Variants in RADX observed in about 807,000 individuals in gnomAD.
The protein encoded by RADX is RPA-related protein RADX.
Under a neutral mutation model 61.6 loss-of-function variants are expected in RADX, and 36 were observed. The observed-to-expected ratio is 0.58, with a 90% CI of 0.45 to 0.77. The LOEUF (loss-of-function observed/expected upper bound fraction) is 0.77. Among genes scored for constraint, RADX ranks in the 30% least tolerant of loss-of-function variants. The pLI is 0.00. For synonymous variants in RADX, 272 were observed against 237.9 expected (o/e 1.14, Z -1.32); for missense variants, 497 against 651.1 (o/e 0.76, Z 2.58).
chrX:106,677,726 A>G, intron 13 of RADX, among the ~76,000 whole-genome samples: 1 of 111,752 alleles, frequency 8.9e-6, no homozygotes, highest in Middle Eastern at 4.6e-3. Flanking sequence ...TTATAGTTTT[A>G]CAAAAATATT....
intron 13 of RADX, among the ~76,000 whole-genome samples, chrX:106,673,686 C>CA (rs1556305684): frequency 1.9e-5 from 2 of 105,889 alleles, no homozygotes; most frequent in African/African-American, 7.0e-5. Flanking sequence ...CCATCCCCCC[C>CA]CACACACACA....
chrX:106,635,050 A>T (rs1405511892), intron 6 of RADX, among the ~76,000 whole-genome samples: 1 of 112,056 alleles, frequency 8.9e-6, no homozygotes, highest in East Asian at 2.8e-4. Context: ...TCATTAAATT[A>T]ATGGTGAGTA....
chrX:106,646,423 G>C (rs762668097), intron 10 of RADX, among the ~76,000 whole-genome samples: 26 of 111,253 alleles, frequency 2.3e-4, no homozygotes, highest in Non-Finnish European at 7.6e-5. Flanking sequence ...TTTGGAAATA[G>C]GGTCATAGCA....
intron 12 of RADX, among the ~76,000 whole-genome samples, chrX:106,665,915 G>A (rs911754864): frequency 8.1e-5 from 9 of 111,218 alleles, no homozygotes; most frequent in Non-Finnish European, 1.7e-4. Flanking sequence ...TGGTACCATG[G>A]CAATGTCAGA....
At chrX:106,665,501 G>C (rs1368906727) in intron 12 of RADX, among the ~76,000 whole-genome samples, 1 of 110,559 alleles carries the variant, frequency 9.0e-6, no homozygotes, top group African/African-American at 3.3e-5. Context: ...TTAGCTCATG[G>C]AATGTACAAA....
Position 106,632,617 on chromosome X carries a change from T to C in RADX, c.980-8T>C, listed in dbSNP as rs759971240. ...ATAGCATATTAAAGTAATATATTTA[T>C]TTTTCAGAAATCTGCCTGAATCTTC... On this transcript the variant is annotated splice_region_variant and splice_polypyrimidine_tract_variant and intron_variant, in intron 3 of 13. Transcript: ENST00000372548. 543 of 1,121,591 alleles carry C rather than the reference T, an allele frequency of 4.8e-4. No homozygotes were observed. Among genetic ancestry groups the C allele is most frequent in the Non-Finnish European group, 6.1e-4 (501 of 821,619 alleles). The allele number at this position is 1,121,591 out of a possible 1,213,427, so 92.4% of individuals were successfully genotyped here.
chrX:106,611,996 G>C lies in RADX; in HGVS notation c.-85G>C. On this transcript the variant is annotated 5_prime_UTR_variant, in exon 1 of 14. Coordinates refer to ENST00000372548, the MANE Select transcript of RADX (RefSeq NM_018015.6). ...CAGCAGGGGCAGAGTAGCGATCGTC[G>C]CCAAAGCGCGCGGTTTTATTTCTCT... The C allele has an allele frequency of 9.5e-7, 1 of 1,048,868 alleles. No individual in the cohort carries two copies. Among genetic ancestry groups the C allele is most frequent in the South Asian group, 2.2e-5 (1 of 45,405 alleles). The allele number at this position is 1,048,868 out of a possible 1,213,427, so 86.4% of individuals were successfully genotyped here.
chrX:106,616,708 A>G (rs1005069295), intron 1 of RADX, among the ~76,000 whole-genome samples: 1 of 111,271 alleles, frequency 9.0e-6, no homozygotes, highest in African/African-American at 3.3e-5. Flanking sequence ...CTCCAACCCA[A>G]TGGTTTTTCT....
At chrX:106,614,233 A>T (rs1926746221) in intron 1 of RADX, among the ~76,000 whole-genome samples, 1 of 111,750 alleles carries the variant, frequency 8.9e-6, no homozygotes, top group African/African-American at 3.3e-5. Context: ...TTCTTCTAAA[A>T]ATCTCAAATT....
At chrX:106,623,613 C>CAT (rs769098780) in intron 2 of RADX, among the ~76,000 whole-genome samples, 233 of 109,052 alleles carry the variant, frequency 2.1e-3, no homozygotes, top group African/African-American at 4.9e-3. Flanking sequence ...ACAAGCATAT[C>CAT]ATATATATAT....
At chrX:106,643,540 C>T (rs1309881021) in intron 10 of RADX, among the ~76,000 whole-genome samples, 1 of 111,248 alleles carries the variant, frequency 9.0e-6, no homozygotes, top group Non-Finnish European at 1.9e-5. Context: ...TTTCATTCTT[C>T]TGAATATGGA....
chrX:106,662,596 C>T (rs1285804159), intron 12 of RADX, among the ~76,000 whole-genome samples: 3 of 109,494 alleles, frequency 2.7e-5, no homozygotes, highest in African/African-American at 1.0e-4. Context: ...AGCTTCTGTT[C>T]TCCCTTAGCC....
chrX:106,674,378 A>C (rs1284210591), intron 13 of RADX, among the ~76,000 whole-genome samples: 1 of 111,810 alleles, frequency 8.9e-6, no homozygotes, highest in African/African-American at 3.3e-5. Context: ...TTCTCATAGC[A>C]GCTGCACTAT....
intron 6 of RADX, 79 bp downstream of exon 6, chrX:106,633,331 C>A: frequency 1.1e-6 from 1 of 871,194 alleles, no homozygotes; most frequent in Non-Finnish European, 1.6e-6. Flanking sequence ...AACTGACTTA[C>A]AGAAGTAGGG....
chrX:106,670,769 T>C lies in RADX; in HGVS notation c.2437+1439T>C, dbSNP rs561803158. Among the ~76,000 whole-genome samples, 3 of 110,798 alleles carry C rather than the reference T, an allele frequency of 2.7e-5. No homozygotes were observed. In the South Asian group the frequency reaches 1.1e-3, roughly 42 times the overall value. On this transcript the variant is annotated intron_variant, in intron 13 of 13. Transcript: ENST00000372548. ...AGTGAACCTTATTATCCCCTATTTA[T>C]AGATAACTAGACTGAAAATCAGAGA...
intron 13 of RADX, among the ~76,000 whole-genome samples, chrX:106,675,639 A>G (rs2147646675): frequency 8.9e-6 from 1 of 112,408 alleles, no homozygotes; most frequent in Non-Finnish European, 1.9e-5. Context: ...GTGACCAAAG[A>G]GAGGAAATGG....
rs755450381 is a variant in RADX, at chrX:106,621,115, A to T, written c.644-1536A>T. ...TATTGATCAAGAATGTTCCATGTACATCCCAGACAACTCAAAGCTGATCTG... is the reference window on the plus strand; with the variant it reads ...TATTGATCAAGAATGTTCCATGTACTTCCCAGACAACTCAAAGCTGATCTG... On this transcript the variant is annotated intron_variant, in intron 1 of 13. Coordinates refer to ENST00000372548, the MANE Select transcript of RADX (RefSeq NM_018015.6). Among the ~76,000 whole-genome samples, 10 of 112,136 alleles carry T rather than the reference A, an allele frequency of 8.9e-5. No individual in the cohort carries two copies. The East Asian group carries it at 2.8e-3, about 31-fold the overall frequency.
chrX:106,625,707 C>T (rs369025823), intron 3 of RADX, among the ~76,000 whole-genome samples: 2 of 111,125 alleles, frequency 1.8e-5, no homozygotes, highest in East Asian at 2.8e-4. Flanking sequence ...ATACCCTTTA[C>T]GCATATTCAA....
chrX:106,641,154 T>C (rs1927504051), intron 10 of RADX, among the ~76,000 whole-genome samples: 1 of 110,781 alleles, frequency 9.0e-6, no homozygotes, highest in Admixed American at 9.6e-5. Flanking sequence ...TATGACGTCA[T>C]CTTTATCAGT....
Sources: allele counts gnomAD v4.1 joint callset (sites outside exome capture counted in the v4.1 genomes callset), GRCh38; gene constraint gnomAD v4.1.1; transcripts MANE v1.5; gene names NCBI Gene and HGNC (gene_info 2026-07-23, HGNC 2026-07-21).